UEVLD: variants seen among roughly 807,000 people sequenced by gnomAD.
The protein encoded by UEVLD is UEV and lactate/malate dehyrogenase domains.
Under a neutral mutation model 58.6 loss-of-function variants are expected in UEVLD, and 47 were observed. That is an observed-to-expected ratio of 0.80 (90% CI 0.63 to 1.02). The LOEUF (loss-of-function observed/expected upper bound fraction) is 1.02, where lower values mean the gene tolerates loss of function less well. UEVLD is among the 50% of genes least tolerant of loss of function. UEVLD has a pLI of 0.00. For missense variants in UEVLD, 510 were observed against 550.6 expected (o/e 0.93, Z 0.74); for synonymous variants, 197 against 195.3 (o/e 1.01, Z -0.07).
intron 7 of UEVLD, among the ~76,000 whole-genome samples, chr11:18,555,658 T>C (rs1851725661): frequency 6.6e-6 from 1 of 151,688 alleles, no homozygotes; most frequent in African/African-American, 2.4e-5. Flanking sequence ...ATCAGAAATA[T>C]ACAACCAAGC....
chr11:18,570,968 A>G (rs1358458384), intron 3 of UEVLD, among the ~76,000 whole-genome samples: 1 of 152,116 alleles, frequency 6.6e-6, no homozygotes, highest in Non-Finnish European at 1.5e-5. Context: ...AAATTTTCAA[A>G]AATGTTTACT....
Position 18,588,684 on chromosome 11 carries a change from GA to G in UEVLD, c.-31del. Reference sequence around the variant, plus strand: ...AGGCCGGTCCCGAGCTAGGTCCCAGGACTCCAGCCCCCGGACCTTCTTCCGG... The same window carrying G: ...AGGCCGGTCCCGAGCTAGGTCCCAGGCTCCAGCCCCCGGACCTTCTTCCGG... On this transcript the variant is annotated 5_prime_UTR_variant, in exon 1 of 12. Coordinates refer to ENST00000396197, the MANE Select transcript of UEVLD (RefSeq NM_001040697.4). The G allele has an allele frequency of 6.2e-7, 1 of 1,604,850 alleles. No individual in the cohort carries two copies. Among genetic ancestry groups the G allele is most frequent in the Admixed American group, 1.7e-5 (1 of 59,684 alleles).
rs771486182 is a variant in UEVLD at position 18,532,273 on chromosome 11, C to A, written c.*47G>T. Reference sequence around the variant, plus strand: ...CCTATATATAGGTAAAATTAAATGACTTTTCCCTTTAGGTAGAAGTCCAGC... The same window carrying A: ...CCTATATATAGGTAAAATTAAATGAATTTTCCCTTTAGGTAGAAGTCCAGC... On this transcript the variant is annotated 3_prime_UTR_variant, in exon 12 of 12. Transcript: ENST00000396197. 3.0e-5 allele frequency: 45 copies of A among 1,524,130 alleles called. No homozygotes were observed. The highest frequency in any genetic ancestry group is 1.1e-4 in the Admixed American group (5 of 46,102). 94.4% of individuals were successfully genotyped at this position (1,524,130 alleles called of 1,614,324 possible). A position where few individuals can be genotyped will look rare whatever the true frequency, so the allele number is the denominator to read the frequency against.
At chr11:18,570,089 A>G in intron 4 of UEVLD, 125 bp downstream of exon 4, 2 of 1,089,008 alleles carry the variant, frequency 1.8e-6, no homozygotes, top group Non-Finnish European at 2.5e-6. Flanking sequence ...AATTACTTCC[A>G]AAGACTACAT....
rs757119303 is a variant in UEVLD, at chr11:18,547,061, A to T, written c.716-11T>A. On this transcript the variant is annotated splice_polypyrimidine_tract_variant and intron_variant, in intron 7 of 11. Coordinates refer to ENST00000396197, the MANE Select transcript of UEVLD (RefSeq NM_001040697.4). ...CAGAGGCAGACAAATCTAGTGAATG[A>T]AAAGAAACAGTCTGAGCTGAAGATA... 6 of 1,607,796 alleles carry T rather than the reference A, an allele frequency of 3.7e-6. No individual in the cohort carries two copies. The Admixed American group carries it at 1.0e-4, about 28-fold the overall frequency.
Position 18,531,496 on chromosome 11 carries a change from C to T in UEVLD, c.*824G>A, listed in dbSNP as rs1850558939. 6.6e-6 allele frequency: 1 copy of T among 152,058 alleles called. No individual in the cohort carries two copies. Among genetic ancestry groups the T allele is most frequent in the Non-Finnish European group, 1.5e-5 (1 of 68,000 alleles). The allele number at this position is 152,058 out of a possible 1,614,324, so 9.4% of individuals were successfully genotyped here. ...GCTCAGAACAAATAAAAAACCTCTCCCTATTATGACCAATGTTTTTAATGA... is the reference window on the plus strand; with the variant it reads ...GCTCAGAACAAATAAAAAACCTCTCTCTATTATGACCAATGTTTTTAATGA... On this transcript the variant is annotated 3_prime_UTR_variant, in exon 12 of 12. Coordinates refer to ENST00000396197, the MANE Select transcript of UEVLD (RefSeq NM_001040697.4).
chr11:18,588,566 C>G lies in UEVLD; in HGVS notation c.42+47G>C, dbSNP rs1488814205. The G allele has an allele frequency of 2.5e-6, 4 of 1,599,660 alleles. No individual in the cohort carries two copies. The South Asian group carries it at 4.4e-5, about 18-fold the overall frequency. ...AACCTGGCCAAAGGCAGAGGCACCCCCCGCAAGACCCTGAGGACCCAAACT... is the reference window on the plus strand; with the variant it reads ...AACCTGGCCAAAGGCAGAGGCACCCGCCGCAAGACCCTGAGGACCCAAACT... On this transcript the variant is annotated intron_variant, in intron 1 of 11. Coordinates refer to ENST00000396197, the MANE Select transcript of UEVLD (RefSeq NM_001040697.4).
intron 3 of UEVLD, among the ~76,000 whole-genome samples, chr11:18,572,388 T>A (rs565516715): frequency 6.6e-6 from 1 of 152,336 alleles, no homozygotes; most frequent in Admixed American, 6.5e-5. Flanking sequence ...TAACAGAAGT[T>A]CCATGCAGAT....
At chr11:18,561,132 G>A (rs1223757703) in intron 6 of UEVLD, among the ~76,000 whole-genome samples, 1 of 152,162 alleles carries the variant, frequency 6.6e-6, no homozygotes, top group African/African-American at 2.4e-5. Context: ...GTTTAGTAAG[G>A]ATCTAGAATA....
intron 6 of UEVLD, among the ~76,000 whole-genome samples, chr11:18,560,944 G>A (rs1314235242): frequency 6.6e-6 from 1 of 152,050 alleles, no homozygotes; most frequent in Admixed American, 6.6e-5. Context: ...CCGGGAGGTG[G>A]AGGTTGCAGT....
In UEVLD at chr11:18,588,633, G is replaced by A. The variant is rs528151288; in HGVS notation, c.22C>T (p.Leu8=). 2 of 1,610,254 alleles carry A rather than the reference G, an allele frequency of 1.2e-6. No homozygotes were observed. The highest frequency in any genetic ancestry group is 2.2e-5 in the East Asian group (1 of 44,862). Residue 8 remains leucine (L), a synonymous_variant, in exon 1 of 12, where the codon CTG becomes TTG. Coordinates refer to ENST00000396197, the MANE Select transcript of UEVLD (RefSeq NM_001040697.4). The part of the protein sequence containing the change: MEFDCEG[L]RRLLGKYKFR... ...CGCACCTTGCCAAGCAGCCGTCTCAGGCCCTCGCAGTCGAACTCCATCTCC... is the reference window on the plus strand; with the variant it reads ...CGCACCTTGCCAAGCAGCCGTCTCAAGCCCTCGCAGTCGAACTCCATCTCC...
At chr11:18,577,988 C>T (rs1192950455) in intron 2 of UEVLD, among the ~76,000 whole-genome samples, 1 of 151,888 alleles carries the variant, frequency 6.6e-6, no homozygotes, top group Admixed American at 6.6e-5. Flanking sequence ...TTAGAATCAA[C>T]CATATACATA....
rs752299731 is a variant in UEVLD, at chr11:18,531,814, GGAAAT to G, written c.*501_*505del. ...TTGGTAGGTAATTAATTTGAAGAAG[GGAAAT>G]ACAATGCTTTACTATTACTACCAAC... On this transcript the variant is annotated 3_prime_UTR_variant, in exon 12 of 12. Coordinates refer to ENST00000396197, the MANE Select transcript of UEVLD (RefSeq NM_001040697.4). 1 of 151,988 alleles carries G rather than the reference GGAAAT, an allele frequency of 6.6e-6. No homozygotes were observed. Among genetic ancestry groups the G allele is most frequent in the Non-Finnish European group, 1.5e-5 (1 of 67,996 alleles). 9.4% of individuals were successfully genotyped at this position (151,988 alleles called of 1,614,324 possible). A position where few individuals can be genotyped will look rare whatever the true frequency, so the allele number is the denominator to read the frequency against.
chr11:18,567,823 C>G (rs1590355677), intron 4 of UEVLD, among the ~76,000 whole-genome samples: 1 of 152,236 alleles, frequency 6.6e-6, no homozygotes, highest in East Asian at 1.9e-4. Flanking sequence ...TTAAATAGGG[C>G]AATTTAAATA....
intron 3 of UEVLD, 111 bp from the exon 4 acceptor site, chr11:18,570,488 G>C (rs966377037): frequency 9.6e-7 from 1 of 1,039,466 alleles, no homozygotes; most frequent in African/African-American, 1.7e-5. Flanking sequence ...GCTGAAGCCT[G>C]TAATCCCAGC....
Position 18,534,407 on chromosome 11 carries a change from C to A in UEVLD, c.1171G>T (p.Gly391Ter), listed in dbSNP as rs1326287390. 8 of 1,578,024 alleles carry A rather than the reference C, an allele frequency of 5.1e-6. No homozygotes were observed. Among genetic ancestry groups the A allele is most frequent in the Non-Finnish European group, 6.0e-6 (7 of 1,168,836 alleles). Residue 391 changes from glycine to a stop codon, truncating the protein, a stop_gained, in exon 11 of 12, where the codon GGA becomes TGA. Transcript: ENST00000396197. LOFTEE classifies it high-confidence loss of function. Reference sequence around the variant, plus strand: ...TCAACCATGTCAGCTACTGATAGTCCAACAGACCAGGATCTTTGACCTTTT... The same window carrying A: ...TCAACCATGTCAGCTACTGATAGTCAAACAGACCAGGATCTTTGACCTTTT... ...RVKGQRSWSV[G>*]LSVADMVDSI... is the part of the protein sequence containing the mutation.
intron 7 of UEVLD, among the ~76,000 whole-genome samples, chr11:18,554,894 T>C: frequency 6.6e-6 from 1 of 152,316 alleles, no homozygotes; most frequent in South Asian, 2.1e-4. Context: ...AATGGGGCAT[T>C]ACTAAAATTT....
chr11:18,549,619 A>C lies in UEVLD; in HGVS notation c.716-2569T>G, dbSNP rs1463589620. ...TTTTTAGTAAAGACAGAGTTTCACC[A>C]TGTTGGCCAGGCTGGTCTCGAACTC... On this transcript the variant is annotated intron_variant, in intron 7 of 11. Coordinates refer to ENST00000396197, the MANE Select transcript of UEVLD (RefSeq NM_001040697.4). Among the ~76,000 whole-genome samples, 3 of 151,678 alleles carry C rather than the reference A, an allele frequency of 2.0e-5. No individual in the cohort carries two copies. In the South Asian group the frequency reaches 6.3e-4, roughly 32 times the overall value.
intron 6 of UEVLD, among the ~76,000 whole-genome samples, chr11:18,560,618 G>A (rs192364501): frequency 2.4e-4 from 37 of 152,248 alleles, no homozygotes; most frequent in Non-Finnish European, 4.6e-4. Flanking sequence ...CAGTAACAAC[G>A]AGACAATATA....
Sources: gnomAD v4.1 joint callset for allele counts (sites outside exome capture counted in the v4.1 genomes callset) on GRCh38, gnomAD v4.1.1 for gene constraint, MANE v1.5 for transcripts, NCBI Gene and HGNC (gene_info 2026-07-23, HGNC 2026-07-21) for gene names.